The following CLYBL variants were observed in gnomAD, a reference collection of about 807,000 sequenced individuals.
CLYBL encodes citramalyl-CoA lyase.
Under a neutral mutation model 38.9 loss-of-function variants are expected in CLYBL, and 31 were observed. That is an observed-to-expected ratio of 0.80 (90% CI 0.60 to 1.08). The LOEUF is 1.08. CLYBL is among the 50% of genes least tolerant of loss of function. The pLI is 0.00. For synonymous variants in CLYBL, 171 were observed against 158.6 expected, an observed-to-expected ratio of 1.08 and a Z score of -0.59; for missense variants, 434 against 411.6, an observed-to-expected ratio of 1.05 and a Z score of -0.47.
downstream of CLYBL, among the ~76,000 whole-genome samples, chr13:99,899,041 G>C (rs2152136844): frequency 6.6e-6 from 1 of 152,270 alleles, no homozygotes; most frequent in South Asian, 2.1e-4. Flanking sequence ...AATGGGTTAG[G>C]TTACGTGCAG....
intron 1 of CLYBL, among the ~76,000 whole-genome samples, chr13:99,633,119 G>A (rs2046969319): frequency 6.9e-6 from 1 of 144,380 alleles, no homozygotes; most frequent in Admixed American, 7.3e-5. Flanking sequence ...ACTGAGACAG[G>A]AGAATCTCTT....
chr13:99,679,020 C>T (rs61974387), intron 1 of CLYBL, among the ~76,000 whole-genome samples: 3,489 of 152,152 alleles, frequency 0.023, 65 homozygotes, highest in Middle Eastern at 0.085. Context: ...ATACGCCAGG[C>T]GTGGAGGCTC....
intron 2 of CLYBL, among the ~76,000 whole-genome samples, chr13:99,780,223 A>G (rs897707342): frequency 6.6e-6 from 1 of 152,164 alleles, no homozygotes; most frequent in African/African-American, 2.4e-5. Flanking sequence ...ATTTTGCTTG[A>G]ATGTTTATGT....
intron 1 of CLYBL, among the ~76,000 whole-genome samples, chr13:99,684,389 A>G (rs2047787644): frequency 6.6e-6 from 1 of 151,966 alleles, no homozygotes. Flanking sequence ...GTATAATCTT[A>G]TGGGAGCACT....
intron 1 of CLYBL, among the ~76,000 whole-genome samples, chr13:99,627,418 AT>A (rs1469183048): frequency 6.6e-6 from 1 of 152,170 alleles, no homozygotes; most frequent in African/African-American, 2.4e-5. Flanking sequence ...AAAGTAAATA[AT>A]TTTTGGCAGC....
chr13:99,736,722 C>G (rs2048674456), intron 1 of CLYBL, among the ~76,000 whole-genome samples: 2 of 152,204 alleles, frequency 1.3e-5, no homozygotes, highest in Non-Finnish European at 2.9e-5. Flanking sequence ...CCAGATTTCA[C>G]TGTCACTCCT....
In CLYBL at chr13:99,891,340, G is replaced by A. The variant is rs761153061; in HGVS notation, c.950G>A (p.Ser317Asn). 6.8e-6 allele frequency: 11 copies of A among 1,613,702 alleles called. No homozygotes were observed. Among genetic ancestry groups the A allele is most frequent in the Middle Eastern group, 3.3e-4 (2 of 6,056 alleles). The change falls in exon 8 of 9, where the codon AGT (serine) becomes AAT (asparagine). Residue 317 changes from serine to asparagine, a missense_variant. Ser to Asn is a conservative substitution (Grantham distance 46, BLOSUM62 1). Coordinates refer to ENST00000339105, the MANE Select transcript of CLYBL (RefSeq NM_206808.5). ...CAGGGGGCCTTTACTTTCCAAGGGA[G>A]TATGATCGACATGCCATTACTGAAG... Reference protein sequence around the residue: ...LGKGAFTFQGSMIDMPLLKQA... With the variant: ...LGKGAFTFQGNMIDMPLLKQA...
chr13:99,711,403 C>A, intron 1 of CLYBL, among the ~76,000 whole-genome samples: 1 of 83,206 alleles, frequency 1.2e-5, no homozygotes, highest in African/African-American at 5.1e-5. Flanking sequence ...GGGAGTCCGT[C>A]TTTTTTTTTT....
chr13:99,826,806 G>A (rs2139055730), intron 2 of CLYBL, among the ~76,000 whole-genome samples: 1 of 152,290 alleles, frequency 6.6e-6, no homozygotes, highest in South Asian at 2.1e-4. Flanking sequence ...CTTACTCCCT[G>A]AGATGCTCGC....
intron 1 of CLYBL, among the ~76,000 whole-genome samples, chr13:99,724,655 C>T (rs1251175117): frequency 6.6e-6 from 1 of 152,136 alleles, no homozygotes; most frequent in Non-Finnish European, 1.5e-5. Flanking sequence ...ACTTCTCACT[C>T]AGTTCTTGTT....
At chr13:99,684,186 A>ATT (rs965852345) in intron 1 of CLYBL, among the ~76,000 whole-genome samples, 4,614 of 107,990 alleles carry the variant, frequency 0.043, 503 homozygotes, top group African/African-American at 0.17. Flanking sequence ...GGCATGTTTG[A>ATT]TTTTTTTTTT....
downstream of CLYBL, among the ~76,000 whole-genome samples, chr13:99,898,307 A>C (rs1010248254): frequency 1.3e-5 from 2 of 152,224 alleles, no homozygotes; most frequent in African/African-American, 4.8e-5. Context: ...TTTGTGGTAG[A>C]GAGTTTCTTC....
rs147247825 is a variant in CLYBL at position 99,906,190 on chromosome 13, C to T, written c.*160+785C>T. ...CATTCCAAATGGACTACAATGAGCA[C>T]CTGTCACTGTGATCATCAAGAAATA... On this transcript the variant is annotated intron_variant and NMD_transcript_variant, in intron 9 of 9. Coordinates refer to the CLYBL transcript ENST00000689673. 3.7e-3 allele frequency among the ~76,000 whole-genome samples: 564 copies of T among 152,256 alleles called. 3 individuals carry two copies. The highest frequency in any genetic ancestry group is 0.013 in the African/African-American group (536 of 41,548).
chr13:99,899,870 T>C (rs1408276435), downstream of CLYBL, among the ~76,000 whole-genome samples: 2 of 152,176 alleles, frequency 1.3e-5, no homozygotes, highest in Non-Finnish European at 2.9e-5. Context: ...TGCGCAGAGC[T>C]GGTTGGAATA....
rs562125154 is a variant in CLYBL, at chr13:99,677,335, A to G, written c.62+70578A>G. ...CCAAATACATTGACTTTGAGAGAGGAAAAAAAAAAAGCTTGTAATTGCCGA... is the reference window on the plus strand; with the variant it reads ...CCAAATACATTGACTTTGAGAGAGGGAAAAAAAAAAGCTTGTAATTGCCGA... On this transcript the variant is annotated intron_variant, in intron 1 of 8. Coordinates refer to ENST00000339105, the MANE Select transcript of CLYBL (RefSeq NM_206808.5). Among the ~76,000 whole-genome samples the G allele has an allele frequency of 7.5e-5, 11 of 146,348 alleles. No homozygotes were observed. The South Asian group carries it at 1.9e-3, about 26-fold the overall frequency.
chr13:99,888,211 C>T (rs901074431), intron 7 of CLYBL, among the ~76,000 whole-genome samples: 1 of 152,162 alleles, frequency 6.6e-6, no homozygotes, highest in East Asian at 1.9e-4. Context: ...GCACAATGTA[C>T]ATAGAGTTAA....
chr13:99,735,413 C>T (rs1002195332), intron 1 of CLYBL, among the ~76,000 whole-genome samples: 1 of 152,064 alleles, frequency 6.6e-6, no homozygotes, highest in Non-Finnish European at 1.5e-5. Flanking sequence ...CCAGGCTGGT[C>T]TTGAACTCCT....
chr13:99,663,442 T>A (rs751093977), intron 1 of CLYBL, among the ~76,000 whole-genome samples: 2 of 152,148 alleles, frequency 1.3e-5, no homozygotes, highest in African/African-American at 2.4e-5. Flanking sequence ...CCCCATCCCA[T>A]GTCTAGTGTG....
At chr13:99,623,958 CAA>C (rs754256330) in intron 1 of CLYBL, among the ~76,000 whole-genome samples, 13 of 64,204 alleles carry the variant, frequency 2.0e-4, no homozygotes, top group Non-Finnish European at 3.7e-4. Context: ...GACTCCATCT[CAA>C]AAAAAAAAAA....
Sources: allele counts gnomAD v4.1 joint callset (sites outside exome capture counted in the v4.1 genomes callset), GRCh38; gene constraint gnomAD v4.1.1; transcripts MANE v1.5; gene names NCBI Gene and HGNC (gene_info 2026-07-23, HGNC 2026-07-21).